Variants in SAMD3 observed in about 807,000 individuals in gnomAD.
SAMD3 encodes sterile alpha motif domain containing 3.
In SAMD3, 63 loss-of-function variants were observed where a neutral mutation model predicts 58.5. That is an observed-to-expected ratio of 1.08 (90% CI 0.88 to 1.33). SAMD3 has a LOEUF of 1.33. Ranked by LOEUF, SAMD3 falls within the 40% of genes most tolerant of loss-of-function variation. The probability of loss-of-function intolerance (pLI) is 0.00; values close to 1 mark genes in which losing one functional copy is unlikely to be tolerated. For synonymous variants in SAMD3, 220 were observed against 210.3 expected (o/e 1.05, Z -0.40); for missense variants, 604 against 608.4 (o/e 0.99, Z 0.08).
intron 1 of SAMD3, among the ~76,000 whole-genome samples, chr6:130,343,141 T>C (rs1296473576): frequency 5.9e-5 from 9 of 151,708 alleles, no homozygotes; most frequent in Non-Finnish European, 1.3e-4. Flanking sequence ...GCATTATCAA[T>C]AAACACAGAA....
At chr6:130,178,309 G>A (rs1791929249) in intron 7 of SAMD3, among the ~76,000 whole-genome samples, 1 of 151,308 alleles carries the variant, frequency 6.6e-6, no homozygotes, top group Non-Finnish European at 1.5e-5. Context: ...AGTGCCTTAG[G>A]GCTGCTTCTG....
At chr6:130,274,638 A>G (rs1194093617) in intron 2 of SAMD3, among the ~76,000 whole-genome samples, 1 of 134,772 alleles carries the variant, frequency 7.4e-6, no homozygotes, top group East Asian at 2.6e-4. Flanking sequence ...GGTAAAGTGA[A>G]ACTGTTTCTC....
chr6:130,270,866 A>T (rs1441733499), intron 2 of SAMD3, among the ~76,000 whole-genome samples: 1 of 152,248 alleles, frequency 6.6e-6, no homozygotes, highest in Non-Finnish European at 1.5e-5. Context: ...TTCTTAAAGT[A>T]ACTGTATGAA....
At chr6:130,257,900 CTCT>C (rs1419054372) in intron 2 of SAMD3, among the ~76,000 whole-genome samples, 7 of 152,030 alleles carry the variant, frequency 4.6e-5, no homozygotes, top group Admixed American at 4.6e-4. Context: ...TTAGTTTTGT[CTCT>C]TCTTAAGGCA....
intron 2 of SAMD3, among the ~76,000 whole-genome samples, chr6:130,257,872 G>A (rs890890028): frequency 5.3e-5 from 8 of 151,962 alleles, no homozygotes; most frequent in Non-Finnish European, 1.2e-4. Context: ...ACACTATTCT[G>A]TCTTGTATTT....
intron 2 of SAMD3, among the ~76,000 whole-genome samples, chr6:130,299,145 A>G (rs1775664320): frequency 2.0e-5 from 3 of 152,192 alleles, no homozygotes; most frequent in Admixed American, 2.0e-4. Context: ...CCACCCCACA[A>G]TCACATAATA....
chr6:130,295,515 G>C (rs554384888), intron 2 of SAMD3, among the ~76,000 whole-genome samples: 1 of 152,286 alleles, frequency 6.6e-6, no homozygotes, highest in African/African-American at 2.4e-5. Context: ...TAAGAAGAAA[G>C]AACTTGACTG....
At chr6:130,197,046 G>A (rs1794193700) in intron 5 of SAMD3, among the ~76,000 whole-genome samples, 1 of 152,248 alleles carries the variant, frequency 6.6e-6, no homozygotes, top group East Asian at 1.9e-4. Flanking sequence ...ACGGAGTAAA[G>A]GTCTTTTAAA....
intron 8 of SAMD3, among the ~76,000 whole-genome samples, chr6:130,172,909 C>G (rs1423194975): frequency 1.3e-5 from 2 of 152,130 alleles, no homozygotes; most frequent in African/African-American, 4.8e-5. Flanking sequence ...CATTCATTTT[C>G]ATTCTTTTTT....
chr6:130,345,249 T>C (rs934828185), intron 1 of SAMD3, among the ~76,000 whole-genome samples: 2 of 152,056 alleles, frequency 1.3e-5, no homozygotes, highest in African/African-American at 2.4e-5. Context: ...AGAGGACAAG[T>C]GGCTCCCCTG....
chr6:130,234,437 G>A (rs1162283463), intron 2 of SAMD3, among the ~76,000 whole-genome samples: 1 of 152,098 alleles, frequency 6.6e-6, no homozygotes, highest in African/African-American at 2.4e-5. Flanking sequence ...TGACACACAT[G>A]TAAAGGGGAC....
chr6:130,149,974 T>A (rs565422069), intron 9 of SAMD3, among the ~76,000 whole-genome samples: 47 of 152,330 alleles, frequency 3.1e-4, no homozygotes, highest in African/African-American at 1.1e-3. Flanking sequence ...ATAATTTCTA[T>A]TAATCTATCT....
At chr6:130,240,635 G>A (rs1443474546) in intron 2 of SAMD3, among the ~76,000 whole-genome samples, 1 of 152,136 alleles carries the variant, frequency 6.6e-6, no homozygotes, top group African/African-American at 2.4e-5. Context: ...GGGGCCTTTT[G>A]GGAAGTGTGT....
Position 130,176,277 on chromosome 6 carries a change from T to TA in SAMD3, c.655-270dup, listed in dbSNP as rs1308803416. 1.9e-4 allele frequency: 83 copies of TA among 430,420 alleles called. No individual in the cohort carries two copies. In the East Asian group the frequency reaches 3.8e-3, roughly 20 times the overall value. The allele number at this position is 430,420 out of a possible 1,614,324, so 26.7% of individuals were successfully genotyped here. On this transcript the variant is annotated intron_variant, in intron 7 of 11. Transcript: ENST00000439090. The stretch of plus-strand genomic sequence containing the variant: ...TTCCCAATGTCATATGGTTATTGAG[T>TA]AAATATATTGGTTCTTGAACCTGGA...
At chr6:130,318,930 T>C (rs1245566975) in intron 1 of SAMD3, among the ~76,000 whole-genome samples, 2 of 151,470 alleles carry the variant, frequency 1.3e-5, no homozygotes, top group Non-Finnish European at 3.0e-5. Context: ...AGAGAAAAGA[T>C]TGAACTGTTA....
intron 2 of SAMD3, among the ~76,000 whole-genome samples, chr6:130,250,556 G>A (rs1427646610): frequency 6.6e-6 from 1 of 152,130 alleles, no homozygotes. Flanking sequence ...AAAAGAAACT[G>A]CATAGACATT....
intron 1 of SAMD3, among the ~76,000 whole-genome samples, chr6:130,334,949 T>C (rs1777056867): frequency 6.6e-6 from 1 of 152,252 alleles, no homozygotes; most frequent in South Asian, 2.1e-4. Flanking sequence ...AAGGACAGCA[T>C]GTCATTTATC....
At chr6:130,192,683 G>T (rs967120975) in intron 5 of SAMD3, among the ~76,000 whole-genome samples, 16 of 152,268 alleles carry the variant, frequency 1.1e-4, no homozygotes, top group Admixed American at 1.0e-3. Flanking sequence ...AAGCCTGTTT[G>T]GTGGTCTCTT....
intron 7 of SAMD3, among the ~76,000 whole-genome samples, chr6:130,178,835 CA>C (rs1430027461): frequency 6.6e-6 from 1 of 152,120 alleles, no homozygotes; most frequent in African/African-American, 2.4e-5. Flanking sequence ...GTAAGAAAGG[CA>C]GTGGTTGAGG....
Sources: gnomAD v4.1 joint callset for allele counts (sites outside exome capture counted in the v4.1 genomes callset) on GRCh38, gnomAD v4.1.1 for gene constraint, MANE v1.5 for transcripts, NCBI Gene and HGNC (gene_info 2026-07-23, HGNC 2026-07-21) for gene names.